GAS6: variants seen among roughly 807,000 people sequenced by gnomAD.
GAS6 encodes growth arrest specific 6.
In GAS6, 41 loss-of-function variants were observed where a neutral mutation model predicts 75.8. The observed-to-expected ratio is 0.54, with a 90% confidence interval of 0.42 to 0.70. GAS6 has a LOEUF of 0.70. GAS6 is among the 30% of genes least tolerant of loss of function. GAS6 has a pLI of 0.00. For missense variants in GAS6, 854 were observed against 940.2 expected, an observed-to-expected ratio of 0.91 and a Z score of 1.20; for synonymous variants, 432 against 412.6, an observed-to-expected ratio of 1.05 and a Z score of -0.57.
chr13:113,850,269 A>G (rs1019379356), intron 2 of GAS6, among the ~76,000 whole-genome samples: 2 of 152,136 alleles, frequency 1.3e-5, no homozygotes, highest in Admixed American at 6.5e-5. Context: ...GCCCTGCATT[A>G]GCCATATCTC....
intron 13 of GAS6, chr13:113,822,938 G>GCACT (rs2138610417): frequency 6.3e-6 from 1 of 158,946 alleles, no homozygotes; most frequent in South Asian, 2.0e-4. Context: ...AGGGGCAGCT[G>GCACT]CACTCAGCTC....
In GAS6 at chr13:113,863,679, G is replaced by C; in HGVS notation, c.151C>G (p.Gln51Glu). 5.3e-6 allele frequency: 8 copies of C among 1,519,706 alleles called. No homozygotes were observed. The highest frequency in any genetic ancestry group is 7.1e-6 in the Non-Finnish European group (8 of 1,134,426). The allele number at this position is 1,519,706 out of a possible 1,614,324, so 94.1% of individuals were successfully genotyped here. The change falls in exon 2 of 15, where the codon CAG (glutamine) becomes GAG (glutamate). Residue 51 changes from glutamine to glutamate, a missense_variant. By Grantham distance (29) the Gln-to-Glu change is conservative. Transcript: ENST00000327773. The surrounding 1 kb of genome is among the most constrained non-coding windows in gnomAD (Gnocchi z 9.4). ...FLRPRQRRAF[Q>E]VFEEAKQGHL... is the part of the protein sequence containing the mutation. ...CCCTGCTTGGCCTCCTCGAAGACCT[G>C]AAAGGCGCGGCGCTGCCTGGGCCGC... is the stretch of plus-strand genomic sequence containing the variant.
At chr13:113,861,586 C>T (rs938798903) in intron 2 of GAS6, among the ~76,000 whole-genome samples, 5 of 152,154 alleles carry the variant, frequency 3.3e-5, no homozygotes, top group African/African-American at 1.2e-4. Flanking sequence ...ACAGTCCCCT[C>T]GGGCCTGGGG....
chr13:113,854,967 C>T (rs1270548508), intron 2 of GAS6, among the ~76,000 whole-genome samples: 1 of 152,254 alleles, frequency 6.6e-6, no homozygotes, highest in Non-Finnish European at 1.5e-5. Flanking sequence ...CCCACCCCAG[C>T]CCCGGTGGCA....
chr13:113,857,071 A>T (rs12585356), intron 2 of GAS6, among the ~76,000 whole-genome samples: 2 of 152,108 alleles, frequency 1.3e-5, no homozygotes, highest in African/African-American at 4.8e-5. Flanking sequence ...AAGGGGAGGT[A>T]GTCACAAAAC....
At chr13:113,824,502 G>A (rs67222406) in intron 12 of GAS6, among the ~76,000 whole-genome samples, 53,498 of 150,926 alleles carry the variant, frequency 0.35, 10,916 homozygotes, top group South Asian at 0.55. Flanking sequence ...TGAGCCCTCC[G>A]TGGACTAAGA....
chr13:113,836,721 GA>G (rs1296481663), intron 6 of GAS6, among the ~76,000 whole-genome samples: 1 of 12,182 alleles, frequency 8.2e-5, no homozygotes. Flanking sequence ...GGAGGAAGAA[GA>G]GGGGAATGAG....
In GAS6 at chr13:113,820,744, G is replaced by C; in HGVS notation, c.*120C>G. The C allele has an allele frequency of 1.7e-6, 2 of 1,150,994 alleles. No homozygotes were observed. Among genetic ancestry groups the C allele is most frequent in the Non-Finnish European group, 1.2e-6 (1 of 832,118 alleles). 71.3% of individuals were successfully genotyped at this position (1,150,994 alleles called of 1,614,324 possible). A position where few individuals can be genotyped will look rare whatever the true frequency, so the allele number is the denominator to read the frequency against. On this transcript the variant is annotated 3_prime_UTR_variant, in exon 15 of 15. Transcript: ENST00000327773. ...CTCACTATTTACAGATATGTTACAG[G>C]CCGGGATGGTCACAGAGGAAAGCCC... is the stretch of plus-strand genomic sequence containing the variant.
chr13:113,833,255 G>A, intron 8 of GAS6: 1 of 1,046,676 alleles, frequency 9.6e-7, no homozygotes, highest in African/African-American at 1.7e-5. Context: ...GCCCACCGTG[G>A]GCAGCCAGGG....
At chr13:113,838,784 C>A (rs189031700) in intron 5 of GAS6, among the ~76,000 whole-genome samples, 4 of 149,318 alleles carry the variant, frequency 2.7e-5, no homozygotes, top group African/African-American at 9.9e-5. Flanking sequence ...GAAGGGACCG[C>A]GGGTGTGCAC....
chr13:113,856,538 G>A (rs1007719823), intron 2 of GAS6, among the ~76,000 whole-genome samples: 32 of 152,102 alleles, frequency 2.1e-4, no homozygotes, highest in Non-Finnish European at 1.0e-4. Flanking sequence ...ACTAACAGAC[G>A]AGCTGAGCGA....
At chr13:113,832,075 A>T (rs927121282) in intron 10 of GAS6, among the ~76,000 whole-genome samples, 3 of 108,516 alleles carry the variant, frequency 2.8e-5, no homozygotes, top group Non-Finnish European at 3.8e-5. Flanking sequence ...AGCATGAACT[A>T]AACGGGGCAG....
At chr13:113,833,159 G>A (rs1382713223) in intron 8 of GAS6, 9 of 1,140,704 alleles carry the variant, frequency 7.9e-6, no homozygotes, top group African/African-American at 4.8e-5. Flanking sequence ...GTTTCTCCAC[G>A]CTGCCCGAAG....
At chr13:113,827,303 C>T in intron 11 of GAS6, 139 bp from the exon 12 acceptor site, 1 of 762,220 alleles carries the variant, frequency 1.3e-6, no homozygotes, top group Non-Finnish European at 2.2e-6. Context: ...TCGGTGGTGG[C>T]CATTTCACAG....
At chr13:113,855,281 G>C (rs928506728) in intron 2 of GAS6, among the ~76,000 whole-genome samples, 4 of 152,124 alleles carry the variant, frequency 2.6e-5, no homozygotes, top group African/African-American at 9.7e-5. Context: ...GCTAACCTTG[G>C]AGTTTGGGGC....
At chr13:113,828,132 C>T (rs9577869) in intron 11 of GAS6, among the ~76,000 whole-genome samples, 32,094 of 151,858 alleles carry the variant, frequency 0.21, 6,077 homozygotes, top group African/African-American at 0.51. Flanking sequence ...GACGTGGTGG[C>T]GGGCGCCTGT....
chr13:113,824,906 G>A (rs971617106), intron 12 of GAS6, among the ~76,000 whole-genome samples: 1 of 152,210 alleles, frequency 6.6e-6, no homozygotes, highest in African/African-American at 2.4e-5. Context: ...TGAAGGGAGA[G>A]ATGATGGTGT....
rs146140804 is a variant in GAS6, at chr13:113,828,644, G to A, written c.1211C>T (p.Ala404Val). 60 of 1,613,456 alleles carry A rather than the reference G, an allele frequency of 3.7e-5. No individual in the cohort carries two copies. The highest frequency in any genetic ancestry group is 2.7e-4 in the African/African-American group (20 of 74,924). ...KVNRDAVMKI[A>V]VAGDLFQPER... ...CGGTTGGAACAAGTCCCCGGCCACC[G>A]CGATTTTCATGACAGCATCCCTGTT... Residue 404 changes from alanine (A) to valine (V), a missense_variant, in exon 11 of 15, where the codon GCG (alanine) becomes GTG (valine). Physicochemically the swap from Ala to Val is moderately conservative, Grantham distance 64. Transcript: ENST00000327773.
At chr13:113,846,694 T>TG in intron 3 of GAS6, 105 bp from the exon 4 acceptor site, 1 of 880,570 alleles carries the variant, frequency 1.1e-6, no homozygotes, top group Non-Finnish European at 1.9e-6. Context: ...TCTGCTTACC[T>TG]GGGGTGCTAT....
Sources: gnomAD v4.1 joint callset for allele counts (sites outside exome capture counted in the v4.1 genomes callset) on GRCh38, gnomAD v4.1.1 for gene constraint, Gnocchi (gnomAD v3.1) non-coding constraint, MANE v1.5 for transcripts, NCBI Gene and HGNC (gene_info 2026-07-23, HGNC 2026-07-21) for gene names.